Variants in BANP observed in about 807,000 individuals in gnomAD.
BANP encodes the protein protein BANP.
Under a neutral mutation model 68.1 loss-of-function variants are expected in BANP, and 11 were observed. That is an observed-to-expected ratio of 0.16 (90% CI 0.10 to 0.27). The LOEUF (loss-of-function observed/expected upper bound fraction) is 0.27. Ranked by LOEUF, BANP falls within the 10% of genes least tolerant of loss-of-function variation. The pLI is 1.00. For missense variants in BANP, 504 were observed against 722.7 expected, an observed-to-expected ratio of 0.70 and a Z score of 3.47; for synonymous variants, 329 against 303.2, an observed-to-expected ratio of 1.09 and a Z score of -0.88.
rs774641733 is a variant in BANP, at chr16:88,035,347, G to A, written c.1225G>A (p.Ala409Thr). The A allele has an allele frequency of 8.1e-6, 13 of 1,611,342 alleles. No individual in the cohort carries two copies. Among genetic ancestry groups the A allele is most frequent in the Admixed American group, 3.3e-5 (2 of 59,866 alleles). Residue 409 changes from alanine (A) to threonine (T), a missense_variant, in exon 10 of 14, where the codon GCC becomes ACC. Transcript: ENST00000682872. The part of the protein sequence containing the change: ...QVIPQGHLHI[A>T]QVPQGEQVQI... ...GATCCCACAGGGACACCTCCACATCGCCCAGGTGCCGCAGGGGGAGCAAGT... is the reference window on the plus strand; with the variant it reads ...GATCCCACAGGGACACCTCCACATCACCCAGGTGCCGCAGGGGGAGCAAGT...
At chr16:87,951,279 C>T (rs1597612749), upstream of BANP, among the ~76,000 whole-genome samples, 3 of 152,266 alleles carry the variant, frequency 2.0e-5, no homozygotes, top group South Asian at 6.2e-4. Flanking sequence ...GGAAGAAGGC[C>T]GCCTGCGCAT....
intron 2 of BANP, among the ~76,000 whole-genome samples, chr16:87,977,397 C>T (rs11117342): frequency 0.37 from 55,495 of 149,060 alleles, 12,015 homozygotes; most frequent in Non-Finnish European, 0.51. Context: ...CCAGGCTGGG[C>T]GACAGAGCGA....
At chr16:87,984,824 G>A (rs1377356103) in intron 4 of BANP, among the ~76,000 whole-genome samples, 4 of 152,212 alleles carry the variant, frequency 2.6e-5, no homozygotes, top group African/African-American at 4.8e-5. Context: ...TATTCCAGCC[G>A]ACAGCTCGTG....
intron 12 of BANP, among the ~76,000 whole-genome samples, chr16:88,068,815 C>T (rs1156935065): frequency 2.0e-5 from 3 of 152,192 alleles, no homozygotes; most frequent in Non-Finnish European, 2.9e-5. Context: ...TGCACATTGG[C>T]AGGAATGTCT....
rs1294920899 is a variant in BANP at position 88,057,821 on chromosome 16, G to C, written c.1312-7446G>C. 6.6e-6 allele frequency among the ~76,000 whole-genome samples: 1 copy of C among 152,028 alleles called. No individual in the cohort carries two copies. The highest frequency in any genetic ancestry group is 1.5e-5 in the Non-Finnish European group (1 of 68,002). ...CCGCACCCTGGACTCCAGGGCAAGT[G>C]GTGCTGGCCGGATGCCCACAGTGAG... On this transcript the variant is annotated intron_variant, in intron 11 of 13. Transcript: ENST00000682872. This position sits in a 1 kb window ranked among gnomAD's most constrained non-coding sequence, Gnocchi z 4.6.
chr16:88,004,552 C>G lies in BANP; in HGVS notation c.479+141C>G, dbSNP rs1401755307. ...CAGGGTTGAGCCTGGCAGGCACCGC[C>G]CCAGCTCTCTGAGGTCGGGGAGGGC... On this transcript the variant is annotated intron_variant, in intron 5 of 13. Coordinates refer to ENST00000682872, the MANE Select transcript of BANP (RefSeq NM_001386991.1). This position sits in a 1 kb window ranked among gnomAD's most constrained non-coding sequence, Gnocchi z 7.0. The G allele has an allele frequency of 8.5e-6, 5 of 591,710 alleles. No individual in the cohort carries two copies. The highest frequency in any genetic ancestry group is 1.5e-5 in the Non-Finnish European group (5 of 340,518). 36.7% of individuals were successfully genotyped at this position (591,710 alleles called of 1,614,324 possible). A position where few individuals can be genotyped will look rare whatever the true frequency, so the allele number is the denominator to read the frequency against.
intron 2 of BANP, 28 bp downstream of exon 2, chr16:87,975,213 A>C: frequency 6.2e-7 from 1 of 1,610,352 alleles, no homozygotes; most frequent in South Asian, 1.1e-5. Flanking sequence ...AGTAGGTGAA[A>C]TATTATTCTC....
rs1326928863 is a variant in BANP at position 88,037,965 on chromosome 16, C to G, written c.1273-8C>G. The G allele has an allele frequency of 3.1e-6, 5 of 1,613,526 alleles. No homozygotes were observed. Among genetic ancestry groups the G allele is most frequent in the East Asian group, 4.5e-5 (2 of 44,882 alleles). ...CTCATGACCGTCTCCTCCTCTCGTT[C>G]TTTGTAGGGCAACCTCCAGATCCAT... On this transcript the variant is annotated splice_polypyrimidine_tract_variant and splice_region_variant and intron_variant, in intron 10 of 13. Transcript: ENST00000682872.
chr16:88,026,960 C>T (rs1247847656), intron 7 of BANP, among the ~76,000 whole-genome samples: 1 of 151,768 alleles, frequency 6.6e-6, no homozygotes, highest in African/African-American at 2.4e-5. Context: ...CCCAGGAGGG[C>T]GGGAGGGCCA....
intron 11 of BANP, among the ~76,000 whole-genome samples, chr16:88,046,191 C>T (rs142278621): frequency 0.19 from 29,014 of 152,226 alleles, 3,462 homozygotes; most frequent in South Asian, 0.28. Flanking sequence ...CCTCCTGACG[C>T]GGAGGTGGGC....
chr16:88,023,861 G>C (rs2076474402), intron 7 of BANP, among the ~76,000 whole-genome samples: 2 of 152,232 alleles, frequency 1.3e-5, no homozygotes, highest in Admixed American at 1.3e-4. Context: ...CAGGGATGCT[G>C]CCTGGCTGAG....
rs976441203 is a variant in BANP at position 87,957,229 on chromosome 16, G to A, written c.-69+5714G>A. ...GGGGTCAGTGGTGGTGGAGGATGGC[G>A]CGGTGCTCCATTCGGAACCCACAGG... is the stretch of plus-strand genomic sequence containing the variant. On this transcript the variant is annotated intron_variant, in intron 1 of 13. Transcript: ENST00000682872. This position sits in a 1 kb window ranked among gnomAD's most constrained non-coding sequence, Gnocchi z 4.3. 2.0e-4 allele frequency among the ~76,000 whole-genome samples: 30 copies of A among 152,216 alleles called. No homozygotes were observed. The highest frequency in any genetic ancestry group is 1.9e-3 in the Admixed American group (29 of 15,288).
chr16:87,994,017 G>C (rs1396220864), intron 4 of BANP, among the ~76,000 whole-genome samples: 1 of 152,152 alleles, frequency 6.6e-6, no homozygotes, highest in Non-Finnish European at 1.5e-5. Flanking sequence ...TTAGAGACCA[G>C]GATGCGGTGT....
At chr16:88,056,544 T>C (rs549753888) in intron 11 of BANP, among the ~76,000 whole-genome samples, 13 of 151,610 alleles carry the variant, frequency 8.6e-5, no homozygotes, top group African/African-American at 2.9e-4. Context: ...GTTGAAACAA[T>C]GGTGCCTTCG....
intron 11 of BANP, among the ~76,000 whole-genome samples, chr16:88,043,105 C>T (rs1053752408): frequency 9.2e-5 from 14 of 152,264 alleles, no homozygotes; most frequent in African/African-American, 3.1e-4. Flanking sequence ...GAGCAGAGCC[C>T]GTGTGTGTGG....
intron 10 of BANP, 65 bp from the exon 11 acceptor site, chr16:88,037,908 G>C: frequency 6.6e-7 from 1 of 1,512,492 alleles, no homozygotes; most frequent in Non-Finnish European, 9.2e-7. Context: ...TGGCGTGTTT[G>C]CCGTGTCTGA....
chr16:88,040,587 T>G (rs1474875745), intron 11 of BANP, among the ~76,000 whole-genome samples: 1 of 151,786 alleles, frequency 6.6e-6, no homozygotes, highest in Non-Finnish European at 1.5e-5. Context: ...GCCCATTCCC[T>G]CTCCTCCCCA....
chr16:88,014,679 C>A (rs2074054050), intron 6 of BANP, among the ~76,000 whole-genome samples: 1 of 152,026 alleles, frequency 6.6e-6, no homozygotes, highest in Non-Finnish European at 1.5e-5. Context: ...ACCGTCCCCA[C>A]ACCATCCTCG....
intron 7 of BANP, among the ~76,000 whole-genome samples, chr16:88,027,075 T>C (rs147417261): frequency 6.6e-6 from 1 of 152,218 alleles, no homozygotes; most frequent in African/African-American, 2.4e-5. Context: ...ATCCAATTGT[T>C]GAGGTCCCTG....
Sources: gnomAD v4.1 joint callset for allele counts (sites outside exome capture counted in the v4.1 genomes callset) on GRCh38, gnomAD v4.1.1 for gene constraint, Gnocchi (gnomAD v3.1) non-coding constraint, MANE v1.5 for transcripts, NCBI Gene and HGNC (gene_info 2026-07-23, HGNC 2026-07-21) for gene names.